Variants in KIF26B observed in about 807,000 individuals in gnomAD.
KIF26B encodes kinesin family member 26B, also known as kinesin-like protein KIF26B.
Under a neutral mutation model 151.2 loss-of-function variants are expected in KIF26B, and 63 were observed. That is an observed-to-expected ratio of 0.42 (90% CI 0.34 to 0.51). KIF26B has a LOEUF of 0.51. Ranked by LOEUF, KIF26B falls within the 20% of genes least tolerant of loss-of-function variation. The pLI, the probability that KIF26B is intolerant of heterozygous loss-of-function variation, is 0.07. For synonymous variants in KIF26B, 1,357 were observed against 1,262.1 expected (o/e 1.08, Z -1.59); for missense variants, 2,813 against 2,913.6 (o/e 0.97, Z 0.79).
rs181420987 is a variant in KIF26B, at chr1:245,396,870, T to C, written c.1000-22709T>C. Among the ~76,000 whole-genome samples, 620 of 152,318 alleles carry C rather than the reference T, an allele frequency of 4.1e-3. 1 individual carries two copies. Among genetic ancestry groups the C allele is most frequent in the Non-Finnish European group, 7.4e-3 (502 of 68,028 alleles). On this transcript the variant is annotated intron_variant, in intron 3 of 14. Transcript: ENST00000407071. ...TTGTGAAATACATGATGTTTCCCTA[T>C]GCACCTCCGTGCCAGGAATGTTAGA...
intron 2 of KIF26B, among the ~76,000 whole-genome samples, chr1:245,300,518 AT>A (rs969683621): frequency 1.3e-5 from 2 of 149,172 alleles, no homozygotes; most frequent in Non-Finnish European, 3.0e-5. Flanking sequence ...CAAATGAATT[AT>A]TTTTTTTCTT....
chr1:245,666,863 G>T (rs2044222312), intron 10 of KIF26B, among the ~76,000 whole-genome samples: 1 of 152,094 alleles, frequency 6.6e-6, no homozygotes, highest in African/African-American at 2.4e-5. Flanking sequence ...GCCTGGGGGT[G>T]GTAACCCAGA....
intron 2 of KIF26B, among the ~76,000 whole-genome samples, chr1:245,324,026 T>A (rs11576119): frequency 3.4e-4 from 38 of 112,724 alleles, no homozygotes; most frequent in African/African-American, 1.4e-3. Flanking sequence ...CCAGGGGTGG[T>A]TGGAGGTGGA....
At chr1:245,445,052 A>T (rs908038209) in intron 4 of KIF26B, among the ~76,000 whole-genome samples, 1 of 152,244 alleles carries the variant, frequency 6.6e-6, no homozygotes, top group Non-Finnish European at 1.5e-5. Flanking sequence ...TGTGTAATGT[A>T]TCGCAGAATC....
At chr1:245,183,833 G>A (rs914303672) in intron 2 of KIF26B, among the ~76,000 whole-genome samples, 11 of 151,960 alleles carry the variant, frequency 7.2e-5, no homozygotes, top group African/African-American at 2.7e-4. Flanking sequence ...GAAAGACCTG[G>A]CGGTATGACA....
intron 2 of KIF26B, among the ~76,000 whole-genome samples, chr1:245,159,171 T>C (rs1668495015): frequency 6.6e-6 from 1 of 152,138 alleles, no homozygotes; most frequent in South Asian, 2.1e-4. Context: ...TAAAGACATG[T>C]TTTTGAGGAG....
At chr1:245,214,541 G>T (rs1331659386) in intron 2 of KIF26B, among the ~76,000 whole-genome samples, 1 of 152,190 alleles carries the variant, frequency 6.6e-6, no homozygotes, top group African/African-American at 2.4e-5. Flanking sequence ...CGGGCGTCCA[G>T]TGCAGGTGTG....
chr1:245,677,756 C>T (rs1044324230), intron 10 of KIF26B, among the ~76,000 whole-genome samples: 1 of 152,246 alleles, frequency 6.6e-6, no homozygotes, highest in African/African-American at 2.4e-5. Context: ...CATCAAGTCC[C>T]TTAGGAATAA....
rs1044284362 is a variant in KIF26B at position 245,516,987 on chromosome 1, C to T, written c.1167-23780C>T. Among the ~76,000 whole-genome samples the T allele has an allele frequency of 6.6e-6, 1 of 152,198 alleles. No individual in the cohort carries two copies. Among genetic ancestry groups the T allele is most frequent in the Non-Finnish European group, 1.5e-5 (1 of 68,040 alleles). ...ACCTGACCATGGTCGCAGTGGGGGG[C>T]TTTCTCTTGGTATTTAATTAGTAAG... On this transcript the variant is annotated intron_variant, in intron 4 of 14. Coordinates refer to ENST00000407071, the MANE Select transcript of KIF26B (RefSeq NM_018012.4). The surrounding 1 kb of genome is among the most constrained non-coding windows in gnomAD (Gnocchi z 4.2).
At chr1:245,622,673 G>A (rs1558240730) in intron 9 of KIF26B, among the ~76,000 whole-genome samples, 1 of 152,184 alleles carries the variant, frequency 6.6e-6, no homozygotes, top group Non-Finnish European at 1.5e-5. Flanking sequence ...TTCCTTCTGT[G>A]CAGAGTAGGG....
chr1:245,521,134 A>G (rs10924232), intron 4 of KIF26B, among the ~76,000 whole-genome samples: 149,032 of 151,920 alleles, frequency 0.98, 73,176 homozygotes, highest in East Asian at 1. Flanking sequence ...TCAGGAGATC[A>G]AGACCATCCT....
chr1:245,485,674 G>A (rs1424512120), intron 4 of KIF26B, among the ~76,000 whole-genome samples: 1 of 152,194 alleles, frequency 6.6e-6, no homozygotes, highest in South Asian at 2.1e-4. Context: ...GTGAGCCACC[G>A]TGCCTGGCCT....
rs1474629612 is a variant in KIF26B at position 245,540,690 on chromosome 1, T to C, written c.1167-77T>C. 1.5e-6 allele frequency: 2 copies of C among 1,347,116 alleles called. No individual in the cohort carries two copies. Among genetic ancestry groups the C allele is most frequent in the Non-Finnish European group, 2.1e-6 (2 of 936,716 alleles). The allele number at this position is 1,347,116 out of a possible 1,614,324, so 83.4% of individuals were successfully genotyped here. On this transcript the variant is annotated intron_variant, in intron 4 of 14. Coordinates refer to ENST00000407071, the MANE Select transcript of KIF26B (RefSeq NM_018012.4). This position sits in a 1 kb window ranked among gnomAD's most constrained non-coding sequence, Gnocchi z 4.6. Reference sequence around the variant, plus strand: ...GGCCTCAGAAAGAACGAGGGGTTGTTTAAGAGAAAACGAAGTAAGCCTAGC... The same window carrying C: ...GGCCTCAGAAAGAACGAGGGGTTGTCTAAGAGAAAACGAAGTAAGCCTAGC...
intron 2 of KIF26B, among the ~76,000 whole-genome samples, chr1:245,304,699 CTCCATCCA>C (rs547585018): frequency 4.0e-5 from 6 of 150,656 alleles, no homozygotes; most frequent in South Asian, 2.1e-4. Context: ...ACGTCCATCC[CTCCATCCA>C]TCCATCCATC....
intron 4 of KIF26B, among the ~76,000 whole-genome samples, chr1:245,426,360 C>G (rs1287883176): frequency 6.6e-6 from 1 of 152,068 alleles, no homozygotes; most frequent in African/African-American, 2.4e-5. Flanking sequence ...CAGCGTCACT[C>G]TCATTCCTTT....
intron 2 of KIF26B, among the ~76,000 whole-genome samples, chr1:245,234,207 A>G (rs1670057834): frequency 6.6e-6 from 1 of 152,126 alleles, no homozygotes; most frequent in African/African-American, 2.4e-5. Context: ...AAGAAAAGAA[A>G]AAAGAAATTT....
chr1:245,225,668 G>A (rs1224292555), intron 2 of KIF26B, among the ~76,000 whole-genome samples: 3 of 152,170 alleles, frequency 2.0e-5, no homozygotes, highest in African/African-American at 7.2e-5. Flanking sequence ...AGGCCAGAGA[G>A]GACTCATTTG....
At chr1:245,648,344 GA>G (rs1174386228) in intron 10 of KIF26B, among the ~76,000 whole-genome samples, 2 of 151,888 alleles carry the variant, frequency 1.3e-5, no homozygotes, top group Non-Finnish European at 2.9e-5. Flanking sequence ...AATGAGTAGG[GA>G]AACATTAAAA....
chr1:245,652,044 G>C (rs2044021783), intron 10 of KIF26B, among the ~76,000 whole-genome samples: 1 of 151,836 alleles, frequency 6.6e-6, no homozygotes, highest in Non-Finnish European at 1.5e-5. Context: ...ATGCAAAGGA[G>C]TATCAGTTCT....
Sources: gnomAD v4.1 joint callset for allele counts (sites outside exome capture counted in the v4.1 genomes callset) on GRCh38, gnomAD v4.1.1 for gene constraint, Gnocchi (gnomAD v3.1) non-coding constraint, MANE v1.5 for transcripts, NCBI Gene and HGNC (gene_info 2026-07-23, HGNC 2026-07-21) for gene names.